Variants in ZNF385B observed in about 807,000 individuals in gnomAD.
The protein encoded by ZNF385B is zinc finger protein 533.
In ZNF385B, 23 loss-of-function variants were observed where a neutral mutation model predicts 39.2. The ratio of observed to expected loss-of-function variants is 0.59; its 90% CI spans 0.42 to 0.83. ZNF385B has a LOEUF of 0.83. Ranked by LOEUF, ZNF385B falls within the 40% of genes least tolerant of loss-of-function variation. ZNF385B has a pLI of 0.00. For synonymous variants in ZNF385B, 205 were observed against 222.6 expected (o/e 0.92, Z 0.70); for missense variants, 552 against 598.9 (o/e 0.92, Z 0.82).
chr2:179,844,179 C>G (rs562197203), intron 1 of ZNF385B, among the ~76,000 whole-genome samples: 3 of 152,168 alleles, frequency 2.0e-5, no homozygotes, highest in Non-Finnish European at 2.9e-5. Flanking sequence ...CGATTGAAAC[C>G]GCCTCCTCCA....
chr2:179,793,933 T>C (rs986537958), intron 1 of ZNF385B, among the ~76,000 whole-genome samples: 21 of 152,260 alleles, frequency 1.4e-4, no homozygotes, highest in African/African-American at 4.1e-4. Flanking sequence ...ATGCAACCAT[T>C]ATGTCAATGT....
At chr2:179,566,642 T>G (rs925247512) in intron 3 of ZNF385B, among the ~76,000 whole-genome samples, 14 of 152,212 alleles carry the variant, frequency 9.2e-5, no homozygotes, top group African/African-American at 3.4e-4. Context: ...AAAATGGAAG[T>G]CCTCTATAAA....
At chr2:179,856,057 A>G (rs779784203) in intron 1 of ZNF385B, among the ~76,000 whole-genome samples, 4 of 152,202 alleles carry the variant, frequency 2.6e-5, no homozygotes, top group Non-Finnish European at 5.9e-5. Flanking sequence ...GATTTTTAAA[A>G]TACTGACATA....
intron 1 of ZNF385B, among the ~76,000 whole-genome samples, chr2:179,796,700 A>G (rs1705687017): frequency 1.3e-5 from 2 of 152,134 alleles, no homozygotes; most frequent in African/African-American, 4.8e-5. Context: ...AAAAGTCTTG[A>G]GTCTGGGCAA....
intron 4 of ZNF385B, among the ~76,000 whole-genome samples, chr2:179,522,269 T>C (rs2058557784): frequency 6.6e-6 from 1 of 152,222 alleles, no homozygotes; most frequent in South Asian, 2.1e-4. Flanking sequence ...CAATTTTTGT[T>C]CTCAGCATTA....
chr2:179,541,320 C>A (rs1024161529), intron 4 of ZNF385B, among the ~76,000 whole-genome samples: 4 of 152,182 alleles, frequency 2.6e-5, no homozygotes, highest in Non-Finnish European at 5.9e-5. Context: ...TCAGGTACAA[C>A]TTAGCATAGA....
At chr2:179,827,629 C>T (rs1707750619) in intron 1 of ZNF385B, among the ~76,000 whole-genome samples, 2 of 152,136 alleles carry the variant, frequency 1.3e-5, no homozygotes, top group African/African-American at 4.8e-5. Flanking sequence ...ACAACCAGAA[C>T]TGCCCCGCAT....
intron 3 of ZNF385B, among the ~76,000 whole-genome samples, chr2:179,674,578 A>G (rs954986891): frequency 6.6e-6 from 1 of 152,228 alleles, no homozygotes; most frequent in African/African-American, 2.4e-5. Flanking sequence ...ACTCCAAAAG[A>G]CAAACTGAAT....
chr2:179,782,949 G>A (rs1458954834), intron 1 of ZNF385B, among the ~76,000 whole-genome samples: 2 of 151,912 alleles, frequency 1.3e-5, no homozygotes, highest in African/African-American at 4.8e-5. Context: ...ATCAAACTAC[G>A]AATGACATTC....
chr2:179,476,274 C>T (rs886398445), intron 6 of ZNF385B, among the ~76,000 whole-genome samples: 1 of 152,006 alleles, frequency 6.6e-6, no homozygotes, highest in African/African-American at 2.4e-5. Flanking sequence ...AATGTACATA[C>T]AAAATCCTTT....
Position 179,445,577 on chromosome 2 carries a change from A to G in ZNF385B, c.1113T>C (p.His371=), listed in dbSNP as rs773820836. The G allele has an allele frequency of 2.5e-5, 41 of 1,611,446 alleles. No homozygotes were observed. Among genetic ancestry groups the G allele is most frequent in the Admixed American group, 6.7e-5 (4 of 59,290 alleles). The change falls in exon 8 of 10, where the codon CAT becomes CAC. Residue 371 remains histidine, a synonymous_variant. Transcript: ENST00000410066. ...GTTTGAGTTGAATTTCTGAATTAACATGAACATCACAGATTTCACAATGAA... is the reference window on the plus strand; with the variant it reads ...GTTTGAGTTGAATTTCTGAATTAACGTGAACATCACAGATTTCACAATGAA... ...KTFHCEICDV[H]VNSEIQLKQH...
chr2:179,681,791 T>C (rs1283222501), intron 3 of ZNF385B, among the ~76,000 whole-genome samples: 2 of 152,208 alleles, frequency 1.3e-5, no homozygotes, highest in Admixed American at 6.5e-5. Context: ...GATGGCAGTA[T>C]GCAGTGGCAC....
intron 1 of ZNF385B, among the ~76,000 whole-genome samples, chr2:179,834,031 C>A (rs1432856485): frequency 6.6e-6 from 1 of 151,846 alleles, no homozygotes; most frequent in East Asian, 1.9e-4. Flanking sequence ...TTATTGGAAT[C>A]ATGGTTTTCT....
At chr2:179,694,682 C>G (rs1334025195) in intron 3 of ZNF385B, among the ~76,000 whole-genome samples, 6 of 152,094 alleles carry the variant, frequency 3.9e-5, no homozygotes, top group Admixed American at 2.0e-4. Context: ...GTAATCCCAG[C>G]AATTTGGGAG....
rs555067630 is a variant in ZNF385B, at chr2:179,447,608, T to C, written c.716-838A>G. Among the ~76,000 whole-genome samples the C allele has an allele frequency of 5.3e-5, 8 of 152,288 alleles. No individual in the cohort carries two copies. In the South Asian group the frequency reaches 1.7e-3, roughly 32 times the overall value. ...TCAGTGACTCCTTTGGGAAACAAAC[T>C]GGGGCTTTGTAAGCAACAGCAAAAT... On this transcript the variant is annotated intron_variant, in intron 6 of 9. Transcript: ENST00000410066.
At chr2:179,589,832 A>C (rs2106066625) in intron 3 of ZNF385B, among the ~76,000 whole-genome samples, 1 of 152,340 alleles carries the variant, frequency 6.6e-6, no homozygotes, top group Middle Eastern at 3.4e-3. Flanking sequence ...CAACTTGAAA[A>C]GAGGATGTTA....
At chr2:179,726,636 G>A (rs1162684734) in intron 3 of ZNF385B, among the ~76,000 whole-genome samples, 1 of 152,020 alleles carries the variant, frequency 6.6e-6, no homozygotes, top group Non-Finnish European at 1.5e-5. Context: ...GAGTGCTCCT[G>A]TTCTAGGCTT....
At chr2:179,806,110 C>CA (rs1420983653) in intron 1 of ZNF385B, among the ~76,000 whole-genome samples, 1 of 151,490 alleles carries the variant, frequency 6.6e-6, no homozygotes, top group Admixed American at 6.6e-5. Context: ...AACAAACAGA[C>CA]AAAAAAATGC....
At chr2:179,859,411 C>T (rs756042233) in intron 1 of ZNF385B, among the ~76,000 whole-genome samples, 1 of 152,080 alleles carries the variant, frequency 6.6e-6, no homozygotes, top group East Asian at 1.9e-4. Context: ...ATAAAGAGAT[C>T]ATTACTTATG....
Sources: gnomAD v4.1 joint callset for allele counts (sites outside exome capture counted in the v4.1 genomes callset) on GRCh38, gnomAD v4.1.1 for gene constraint, MANE v1.5 for transcripts, NCBI Gene and HGNC (gene_info 2026-07-23, HGNC 2026-07-21) for gene names.